USO1: variants seen among roughly 807,000 people sequenced by gnomAD.
USO1 encodes the protein general vesicular transport factor p115.
USO1 carries 57 observed loss-of-function variants against 124.5 expected under a neutral mutation model. The observed-to-expected ratio is 0.46, with a 90% CI of 0.37 to 0.57. The LOEUF is 0.57. Among genes scored for constraint, USO1 ranks in the 20% least tolerant of loss-of-function variants. The pLI is 0.00. For missense variants in USO1, 900 were observed against 1,040.6 expected (o/e 0.86, Z 1.86); for synonymous variants, 369 against 362.8 (o/e 1.02, Z -0.19).
At chr4:75,743,381 A>G (rs780063634) in intron 1 of USO1, among the ~76,000 whole-genome samples, 5 of 152,086 alleles carry the variant, frequency 3.3e-5, no homozygotes, top group East Asian at 1.9e-4. Context: ...TTTTTGCTTC[A>G]TTCTTGTTAC....
chr4:75,773,478 T>C (rs761363348), intron 7 of USO1, among the ~76,000 whole-genome samples: 5 of 152,206 alleles, frequency 3.3e-5, no homozygotes, highest in Admixed American at 6.5e-5. Flanking sequence ...TATAAGTTCA[T>C]GTAATTTGCT....
intron 14 of USO1, 92 bp downstream of exon 14, chr4:75,799,824 T>G: frequency 1.4e-6 from 2 of 1,433,648 alleles, no homozygotes; most frequent in Non-Finnish European, 1.9e-6. Flanking sequence ...CCCAAAATAT[T>G]TGAATTCTCC....
At chr4:75,799,828 A>G in intron 14 of USO1, 96 bp downstream of exon 14, 1 of 1,386,552 alleles carries the variant, frequency 7.2e-7, no homozygotes, top group Non-Finnish European at 9.8e-7. Context: ...AAATATTTGA[A>G]TTCTCCACTA....
At chr4:75,744,890 A>G (rs1399807414) in intron 1 of USO1, 1 of 506,354 alleles carries the variant, frequency 2.0e-6, no homozygotes. Flanking sequence ...TGTACTTGTG[A>G]TGGTACATGT....
At chr4:75,746,838 C>T (rs527966701) in intron 1 of USO1, among the ~76,000 whole-genome samples, 3 of 152,124 alleles carry the variant, frequency 2.0e-5, no homozygotes, top group South Asian at 2.1e-4. Flanking sequence ...TTTAGTACCT[C>T]GCTCAGTAGC....
intron 23 of USO1, 49 bp from the exon 24 acceptor site, chr4:75,813,157 T>C: frequency 6.4e-7 from 1 of 1,560,950 alleles, no homozygotes; most frequent in Non-Finnish European, 8.6e-7. Context: ...AAATGTTGAA[T>C]GTGACATGAA....
intron 8 of USO1, 132 bp from the exon 9 acceptor site, chr4:75,782,548 G>C: frequency 8.1e-7 from 1 of 1,228,304 alleles, no homozygotes; most frequent in Non-Finnish European, 1.1e-6. Flanking sequence ...TCAGGTGTCA[G>C]AGCAGACTGT....
chr4:75,755,500 TA>T (rs1410100392), intron 3 of USO1: 1 of 519,994 alleles, frequency 1.9e-6, no homozygotes, highest in South Asian at 1.4e-5. Context: ...ACAAGCTTTT[TA>T]AAGATCTGTG....
chr4:75,734,765 G>A (rs1720741466), intron 1 of USO1, among the ~76,000 whole-genome samples: 1 of 102,404 alleles, frequency 9.8e-6, no homozygotes, highest in African/African-American at 3.9e-5. Flanking sequence ...GCCTTGCTCT[G>A]TTGCCCAGGC....
At chr4:75,809,417 C>A (rs551251740) in intron 21 of USO1, among the ~76,000 whole-genome samples, 2 of 152,178 alleles carry the variant, frequency 1.3e-5, no homozygotes, top group South Asian at 4.1e-4. Context: ...TTTTCCAAAT[C>A]TTCTAATTCT....
chr4:75,810,537 A>C lies in USO1; in HGVS notation c.2581A>C (p.Lys861Gln). 6.2e-7 allele frequency: 1 copy of C among 1,603,890 alleles called. No homozygotes were observed. The change falls in exon 22 of 24, where the codon AAG becomes CAG. Residue 861 changes from lysine (K) to glutamine (Q), a missense_variant and splice_region_variant. Around this residue, in one of 2 missense-constraint regions of USO1, gnomAD observed 362 missense variants for 359.0 expected, o/e 1.01. Transcript: ENST00000514213. ...ATTATTACAAGAGACCAAAGAGTTA[A>C]AGGTTTGTTTTTGGTGCAACTTTTA... ...SALLQETKEL[K>Q]NEIKALSEER...
chr4:75,808,581 A>T (rs1326963650), intron 20 of USO1, among the ~76,000 whole-genome samples: 1 of 151,866 alleles, frequency 6.6e-6, no homozygotes, highest in Non-Finnish European at 1.5e-5. Flanking sequence ...CAGCTTTCTC[A>T]GGTGTGCTGA....
chr4:75,801,089 T>A lies in USO1; in HGVS notation c.1875T>A (p.Thr625=). The A allele has an allele frequency of 1.3e-6, 2 of 1,571,370 alleles. No individual in the cohort carries two copies. Among genetic ancestry groups the A allele is most frequent in the Non-Finnish European group, 1.7e-6 (2 of 1,159,988 alleles). The stretch of plus-strand genomic sequence containing the variant: ...AGCTTCCTTTTATAGGTGTTATAAC[T>A]AAGGCTATTTATAAGTCCAGTGAAG... The part of the protein sequence containing the change: ...KLVKELEGVI[T]KAIYKSSEED... Residue 625 remains threonine (T), a synonymous_variant, in exon 17 of 24, where the codon ACT becomes ACA. Transcript: ENST00000514213.
intron 4 of USO1, among the ~76,000 whole-genome samples, chr4:75,759,716 C>T (rs1220164519): frequency 1.3e-5 from 2 of 151,664 alleles, no homozygotes; most frequent in Non-Finnish European, 2.9e-5. Flanking sequence ...CAAGACCAGC[C>T]TGGCCAACCT....
At position 75,754,030 on chromosome 4, in the gene USO1, A is replaced by T. The variant is rs1348835143; in HGVS notation, c.218+1426A>T. On this transcript the variant is annotated intron_variant, in intron 3 of 23. Transcript: ENST00000514213. Reference sequence around the variant, plus strand: ...TCTCGATCTCCTGATCTCGTGATCCACCTGCCTTGGCCTCCCAAAGTGCTG... The same window carrying T: ...TCTCGATCTCCTGATCTCGTGATCCTCCTGCCTTGGCCTCCCAAAGTGCTG... 3.3e-5 allele frequency among the ~76,000 whole-genome samples: 5 copies of T among 150,120 alleles called. 1 individual carries two copies. Among genetic ancestry groups the T allele is most frequent in the Admixed American group, 3.3e-4 (5 of 15,104 alleles).
intron 12 of USO1, among the ~76,000 whole-genome samples, chr4:75,791,265 C>T (rs324731): frequency 0.65 from 98,531 of 152,140 alleles, 34,087 homozygotes; most frequent in East Asian, 0.91. Flanking sequence ...GGCTCACGCC[C>T]GTAATCCCAA....
chr4:75,805,098 A>G (rs1434563161), intron 18 of USO1, 42 bp from the exon 19 acceptor site: 3 of 1,513,536 alleles, frequency 2.0e-6, no homozygotes, highest in Non-Finnish European at 1.8e-6. Context: ...TGAAAAACTG[A>G]AGTTTCCCGT....
At chr4:75,759,683 C>A (rs1721547259) in intron 4 of USO1, among the ~76,000 whole-genome samples, 1 of 149,592 alleles carries the variant, frequency 6.7e-6, no homozygotes, top group Non-Finnish European at 1.5e-5. Flanking sequence ...CCGAGACAGG[C>A]AGGTCACCTG....
chr4:75,780,640 C>CTTTTTTTTT lies in USO1; in HGVS notation c.677-2023_677-2015dup, dbSNP rs71210204. Among the ~76,000 whole-genome samples the CTTTTTTTTT allele has an allele frequency of 4.1e-4, 24 of 59,158 alleles. 1 individual carries two copies. The highest frequency in any genetic ancestry group is 9.5e-4 in the Admixed American group (3 of 3,168). 38.8% of individuals were successfully genotyped at this position (59,158 alleles called of 152,430 possible). ...CCCATGGATCAAGGATAAATTTTGA[C>CTTTTTTTTT]TTTTTTTTTTTTTTTTTTTTTTTTT... On this transcript the variant is annotated intron_variant, in intron 8 of 23. Transcript: ENST00000514213.
Sources: allele counts gnomAD v4.1 joint callset (sites outside exome capture counted in the v4.1 genomes callset), GRCh38; gene constraint gnomAD v4.1.1; regional missense constraint gnomAD v4.1.1; transcripts MANE v1.5; gene names NCBI Gene and HGNC (gene_info 2026-07-23, HGNC 2026-07-21).